TBC1D2: variants seen among roughly 807,000 people sequenced by gnomAD.
The protein encoded by TBC1D2 is TBC1 domain family member 2.
A neutral mutation model predicts 91.1 loss-of-function variants in TBC1D2; 58 were observed. The observed-to-expected ratio is 0.64, with a 90% CI of 0.52 to 0.79. The LOEUF (loss-of-function observed/expected upper bound fraction) is 0.79, where lower values mean the gene tolerates loss of function less well. Among genes scored for constraint, TBC1D2 ranks in the 30% least tolerant of loss-of-function variants. The probability of loss-of-function intolerance (pLI) is 0.00; values close to 1 mark genes in which losing one functional copy is unlikely to be tolerated. For missense variants in TBC1D2, 1,080 were observed against 1,208.3 expected (o/e 0.89, Z 1.57); for synonymous variants, 482 against 511.5 (o/e 0.94, Z 0.78).
chr9:98,208,695 G>A lies in TBC1D2; in HGVS notation c.2123C>T (p.Thr708Ile). The change falls in exon 9 of 13, where the codon ACC (threonine) becomes ATC (isoleucine). Residue 708 changes from threonine (T) to isoleucine (I), a missense_variant. Transcript: ENST00000465784. ...VLLAFSWQNPTIGYCQGLNRL... is the reference protein window; with the variant it reads ...VLLAFSWQNPIIGYCQGLNRL... ...GTTCAGGCCCTGGCAGTAGCCGATG[G>A]TGGGGTTCTGCCAGGAGAAGGCCAG... 1 of 1,534,448 alleles carries A rather than the reference G, an allele frequency of 6.5e-7. No homozygotes were observed. Among genetic ancestry groups the A allele is most frequent in the Non-Finnish European group, 8.8e-7 (1 of 1,137,908 alleles).
chr9:98,247,358 C>CAA (rs1829786047), intron 2 of TBC1D2, among the ~76,000 whole-genome samples: 1 of 135,280 alleles, frequency 7.4e-6, no homozygotes, highest in African/African-American at 2.7e-5. Context: ...CAAACACAAA[C>CAA]AAACAAAAAA....
In TBC1D2 at chr9:98,209,760, C is replaced by CTTCCTTCCT. The variant is rs1828773560; in HGVS notation, c.1674-625_1674-617dup. On this transcript the variant is annotated intron_variant, in intron 8 of 12. Transcript: ENST00000465784. ...TTCTTTCCTTTCCTTCCTTCCTTTC[C>CTTCCTTCCT]TTCCTTCCTTCCTTCCTTCCTTCCT... Among the ~76,000 whole-genome samples, 9 of 65,622 alleles carry CTTCCTTCCT rather than the reference C, an allele frequency of 1.4e-4. No homozygotes were observed. The South Asian group carries it at 2.8e-3, about 21-fold the overall frequency. The allele number at this position is 65,622 out of a possible 152,430, so 43.1% of individuals were successfully genotyped here. A position where few individuals can be genotyped will look rare whatever the true frequency, so the allele number is the denominator to read the frequency against.
intron 7 of TBC1D2, 68 bp downstream of exon 7, chr9:98,213,040 G>A (rs918677996): frequency 4.5e-6 from 7 of 1,546,480 alleles, no homozygotes; most frequent in Non-Finnish European, 6.2e-6. Flanking sequence ...GTGAGACGGA[G>A]TGGGCAGCAT....
chr9:98,246,374 T>C (rs1829764693), intron 2 of TBC1D2, among the ~76,000 whole-genome samples: 1 of 152,146 alleles, frequency 6.6e-6, no homozygotes, highest in African/African-American at 2.4e-5. Context: ...AACTTAGCAG[T>C]AGTTCAAACA....
At chr9:98,247,435 G>A (rs1379311462) in intron 2 of TBC1D2, among the ~76,000 whole-genome samples, 2 of 150,484 alleles carry the variant, frequency 1.3e-5, no homozygotes, top group East Asian at 4.0e-4. Flanking sequence ...TGTTTAAAAA[G>A]CCGTAAAGCT....
chr9:98,209,019 C>T lies in TBC1D2; in HGVS notation c.1799G>A (p.Arg600Gln), dbSNP rs769803981. Residue 600 changes from arginine (R) to glutamine (Q), a missense_variant, in exon 9 of 13, where the codon CGG (arginine) becomes CAG (glutamine). By Grantham distance (43) the Arg-to-Gln change is conservative. Coordinates refer to ENST00000465784, the MANE Select transcript of TBC1D2 (RefSeq NM_001267571.2). ...GGCAGCCCAGCGCTCCCTCAGCGGC[C>T]GATCCACAGCCTCGAGGCCCAGCAG... is the stretch of plus-strand genomic sequence containing the variant. ...HHLLGLEAVD[R>Q]PLRERWAALG... The T allele has an allele frequency of 2.3e-5, 37 of 1,613,992 alleles. No individual in the cohort carries two copies. The highest frequency in any genetic ancestry group is 3.3e-5 in the Admixed American group (2 of 59,990).
chr9:98,231,708 G>A (rs558061734), intron 4 of TBC1D2, among the ~76,000 whole-genome samples: 32 of 152,288 alleles, frequency 2.1e-4, no homozygotes, highest in Admixed American at 6.5e-4. Context: ...CTGTGGCCGT[G>A]AGCAAGTCAC....
At position 98,221,102 on chromosome 9, in the gene TBC1D2, T is replaced by G. The variant is rs1178607696; in HGVS notation, c.1105A>C (p.Ile369Leu). Reference sequence around the variant, plus strand: ...TCCACCCGCCGGCCCAGCTCCGCGATCTGCCGCACTTTGTGCCGCACCAGC... The same window carrying G: ...TCCACCCGCCGGCCCAGCTCCGCGAGCTGCCGCACTTTGTGCCGCACCAGC... ...LELVRHKVRQ[I>L]AELGRRVEAL... is the part of the protein sequence containing the mutation. The change falls in exon 6 of 13, where the codon ATC (isoleucine) becomes CTC (leucine). Residue 369 changes from isoleucine (I) to leucine (L), a missense_variant. Physicochemically the swap from Ile to Leu is conservative, Grantham distance 5. Coordinates refer to ENST00000465784, the MANE Select transcript of TBC1D2 (RefSeq NM_001267571.2). 2 of 1,604,986 alleles carry G rather than the reference T, an allele frequency of 1.2e-6. No homozygotes were observed. The highest frequency in any genetic ancestry group is 2.2e-5 in the South Asian group (2 of 90,150).
chr9:98,210,112 C>T (rs1246208145), intron 8 of TBC1D2, among the ~76,000 whole-genome samples: 1 of 152,090 alleles, frequency 6.6e-6, no homozygotes, highest in African/African-American at 2.4e-5. Context: ...AGGCATGAGC[C>T]ACTGTGCCCA....
At position 98,199,125 on chromosome 9, in the gene TBC1D2, C is replaced by A; in HGVS notation, c.*256G>T. ...GGCAGTGCTCTTGCTTGTTTACATG[C>A]CAAAGTGCTCTGTGGAAGAGGTGAC... On this transcript the variant is annotated 3_prime_UTR_variant, in exon 13 of 13. Coordinates refer to ENST00000465784, the MANE Select transcript of TBC1D2 (RefSeq NM_001267571.2). 1.7e-6 allele frequency: 1 copy of A among 590,154 alleles called. No individual in the cohort carries two copies. Among genetic ancestry groups the A allele is most frequent in the Non-Finnish European group, 3.0e-6 (1 of 330,120 alleles). The allele number at this position is 590,154 out of a possible 1,614,324, so 36.6% of individuals were successfully genotyped here.
chr9:98,233,345 G>GA (rs1829417798), intron 4 of TBC1D2, 71 bp downstream of exon 4: 1 of 1,537,782 alleles, frequency 6.5e-7, no homozygotes. Flanking sequence ...TCGCTGGAAG[G>GA]AAAGAAGGCA....
intron 2 of TBC1D2, among the ~76,000 whole-genome samples, 171 bp from the exon 3 acceptor site, chr9:98,244,300 A>G (rs1042541612): frequency 6.6e-5 from 10 of 152,332 alleles, no homozygotes; most frequent in African/African-American, 2.4e-4. Flanking sequence ...GCTTTTCACA[A>G]AATGTTCTGC....
intron 11 of TBC1D2, among the ~76,000 whole-genome samples, chr9:98,201,158 T>A (rs977477220): frequency 6.6e-6 from 1 of 152,026 alleles, no homozygotes. Flanking sequence ...TGAGCTCCGA[T>A]CTCTTAATCC....
intron 3 of TBC1D2, among the ~76,000 whole-genome samples, chr9:98,234,103 A>C (rs1336035128): frequency 6.6e-6 from 1 of 152,188 alleles, no homozygotes; most frequent in African/African-American, 2.4e-5. Flanking sequence ...TCCTCTGTGC[A>C]GCCTTCACTG....
rs977066289 is a variant in TBC1D2, at chr9:98,199,108, T to C, written c.*273A>G. The C allele has an allele frequency of 5.1e-6, 3 of 584,322 alleles. No homozygotes were observed. Among genetic ancestry groups the C allele is most frequent in the African/African-American group, 1.9e-5 (1 of 53,764 alleles). 36.2% of individuals were successfully genotyped at this position (584,322 alleles called of 1,614,324 possible). ...CCAGGTTACCCTATAGAGGCAGTGC[T>C]CTTGCTTGTTTACATGCCAAAGTGC... is the stretch of plus-strand genomic sequence containing the variant. On this transcript the variant is annotated 3_prime_UTR_variant, in exon 13 of 13. Transcript: ENST00000465784.
intron 3 of TBC1D2, 26 bp downstream of exon 3, chr9:98,243,968 A>T (rs1479381390): frequency 1.3e-6 from 2 of 1,586,824 alleles, no homozygotes; most frequent in Non-Finnish European, 1.7e-6. Context: ...CAGCTTGGCT[A>T]GCCCCTCAGC....
intron 3 of TBC1D2, chr9:98,235,385 C>G (rs1829478983): frequency 2.1e-6 from 1 of 467,614 alleles, no homozygotes; most frequent in African/African-American, 2.0e-5. Flanking sequence ...AATTCCAGTG[C>G]TAGTACTTGG....
At chr9:98,200,516 G>C (rs1828464323) in intron 11 of TBC1D2, 142 bp from the exon 12 acceptor site, 1 of 640,672 alleles carries the variant, frequency 1.6e-6, no homozygotes, top group South Asian at 1.8e-5. Context: ...CAATGTGTGG[G>C]GATAGGCTCC....
At chr9:98,206,563 A>C (rs1828661322) in intron 9 of TBC1D2, among the ~76,000 whole-genome samples, 1 of 152,072 alleles carries the variant, frequency 6.6e-6, no homozygotes, top group South Asian at 2.1e-4. Context: ...GGTCTCGAGA[A>C]GGTTACATCC....
Sources: allele counts gnomAD v4.1 joint callset (sites outside exome capture counted in the v4.1 genomes callset), GRCh38; gene constraint gnomAD v4.1.1; transcripts MANE v1.5; gene names NCBI Gene and HGNC (gene_info 2026-07-23, HGNC 2026-07-21).